The following ATAD1 variants were observed in gnomAD, a reference collection of about 807,000 sequenced individuals.
The protein encoded by ATAD1 is ATPase family AAA domain containing 1.
ATAD1 carries 18 observed loss-of-function variants against 42.7 expected under a neutral mutation model. That is an observed-to-expected ratio of 0.42 (90% CI 0.29 to 0.63). The LOEUF (loss-of-function observed/expected upper bound fraction) is 0.63, where lower values mean the gene tolerates loss of function less well. ATAD1 is among the 20% of genes least tolerant of loss of function. ATAD1 has a pLI of 0.19. For synonymous variants in ATAD1, 132 were observed against 143.1 expected, an observed-to-expected ratio of 0.92 and a Z score of 0.55; for missense variants, 294 against 440.4, an observed-to-expected ratio of 0.67 and a Z score of 2.98.
chr10:87,815,892 T>G (rs1857394673), intron 1 of ATAD1, among the ~76,000 whole-genome samples: 1 of 152,138 alleles, frequency 6.6e-6, no homozygotes, highest in Non-Finnish European at 1.5e-5. Flanking sequence ...TATAAATAGC[T>G]GGAGTCACTA....
rs1006407332 is a variant in ATAD1 at position 87,763,450 on chromosome 10, G to C, written c.831+4223C>G. 4.6e-5 allele frequency among the ~76,000 whole-genome samples: 7 copies of C among 152,296 alleles called. No individual in the cohort carries two copies. In the Middle Eastern group the frequency reaches 0.01, roughly 222 times the overall value. On this transcript the variant is annotated intron_variant, in intron 8 of 9. Transcript: ENST00000680024. ...AGGGCAGGAGGATACCTCGAGGTCA[G>C]GAGTTCAAAACCTGCCTGGATAACA...
At chr10:87,830,293 C>G (rs1857805205) in intron 1 of ATAD1, among the ~76,000 whole-genome samples, 1 of 152,226 alleles carries the variant, frequency 6.6e-6, no homozygotes, top group Non-Finnish European at 1.5e-5. Context: ...AATATGAGCT[C>G]ATGAACAGCT....
intron 5 of ATAD1, among the ~76,000 whole-genome samples, chr10:87,782,300 G>C (rs1342606205): frequency 1.3e-5 from 2 of 152,164 alleles, no homozygotes; most frequent in Non-Finnish European, 2.9e-5. Context: ...TTCACACACA[G>C]GAAGAATCTA....
chr10:87,792,849 A>T, intron 2 of ATAD1, 94 bp from the exon 3 acceptor site: 1 of 887,986 alleles, frequency 1.1e-6, no homozygotes, highest in Non-Finnish European at 1.8e-6. Flanking sequence ...AGCAATGAAC[A>T]GATAGATATA....
chr10:87,773,887 A>C (rs60196667), intron 6 of ATAD1, among the ~76,000 whole-genome samples: 2,418 of 152,286 alleles, frequency 0.016, 63 homozygotes, highest in African/African-American at 0.054. Flanking sequence ...TCTCAGGGAG[A>C]ATAATTAGTT....
intron 6 of ATAD1, among the ~76,000 whole-genome samples, chr10:87,775,084 T>C (rs529626818): frequency 1.3e-5 from 2 of 152,254 alleles, no homozygotes; most frequent in Non-Finnish European, 2.9e-5. Flanking sequence ...ATTCTAAATA[T>C]AATACTTTTT....
In ATAD1 at chr10:87,756,878, A is replaced by T. The variant is rs1411633207; in HGVS notation, c.876T>A (p.Asp292Glu). 2 of 1,612,546 alleles carry T rather than the reference A, an allele frequency of 1.2e-6. No individual in the cohort carries two copies. Among genetic ancestry groups the T allele is most frequent in the East Asian group, 4.5e-5 (2 of 44,790 alleles). The change falls in exon 9 of 10, where the codon GAT becomes GAA. Residue 292 changes from aspartate to glutamate, a missense_variant. Physicochemically the swap from Asp to Glu is conservative, Grantham distance 45. Around this residue, in one of 3 missense-constraint regions of ATAD1, gnomAD observed 142 missense variants for 174.6 expected, o/e 0.81. Coordinates refer to ENST00000680024, the MANE Select transcript of ATAD1 (RefSeq NM_001321967.2). The part of the protein sequence containing the change: ...VDLLEVAQET[D>E]GFSGSDLKEM... ...CTTTTAGGTCACTTCCTGAAAACCC[A>T]TCAGTTTCCTGGGCAACTTCTAGCA...
rs1222873209 is a variant in ATAD1 at position 87,753,459 on chromosome 10, T to C, written c.*1228A>G. 1 of 152,140 alleles carries C rather than the reference T, an allele frequency of 6.6e-6. No homozygotes were observed. Among genetic ancestry groups the C allele is most frequent in the South Asian group, 2.1e-4 (1 of 4,830 alleles). 9.4% of individuals were successfully genotyped at this position (152,140 alleles called of 1,614,324 possible). ...TGATGATTCAGAAGGCACCTCAAGA[T>C]TGTGTTGTGCCGTTTTCCTCATGCT... On this transcript the variant is annotated 3_prime_UTR_variant, in exon 10 of 10. Coordinates refer to ENST00000680024, the MANE Select transcript of ATAD1 (RefSeq NM_001321967.2).
intron 2 of ATAD1, among the ~76,000 whole-genome samples, chr10:87,805,673 A>G (rs961313503): frequency 1.3e-5 from 2 of 151,702 alleles, no homozygotes; most frequent in East Asian, 3.9e-4. Context: ...ATAACTACTG[A>G]CCCCAACCCC....
intron 5 of ATAD1, among the ~76,000 whole-genome samples, chr10:87,783,988 A>G (rs1855698006): frequency 6.6e-6 from 1 of 152,124 alleles, no homozygotes; most frequent in East Asian, 1.9e-4. Flanking sequence ...AACATCAACA[A>G]AAGAAAACTA....
rs796838900 is a variant in ATAD1, at chr10:87,780,088, AAACT to A, written c.584-3665_584-3662del. ...GTGTCATTTTAATAGACGAATGGAA[AAACT>A]AACTGTGGTACATCTACATAATAGA... is the stretch of plus-strand genomic sequence containing the variant. On this transcript the variant is annotated intron_variant, in intron 5 of 9. Transcript: ENST00000680024. Among the ~76,000 whole-genome samples, 10 of 152,354 alleles carry A rather than the reference AAACT, an allele frequency of 6.6e-5. 1 individual carries two copies. The highest frequency in any genetic ancestry group is 2.4e-4 in the African/African-American group (10 of 41,588).
At chr10:87,789,944 C>T (rs1381750532) in intron 4 of ATAD1, among the ~76,000 whole-genome samples, 2 of 151,474 alleles carry the variant, frequency 1.3e-5, no homozygotes, top group Non-Finnish European at 2.9e-5. Context: ...AAAATAAGAT[C>T]GTTGGAGCTG....
intron 2 of ATAD1, among the ~76,000 whole-genome samples, chr10:87,812,812 G>A (rs1284914581): frequency 6.6e-6 from 1 of 152,072 alleles, no homozygotes; most frequent in African/African-American, 2.4e-5. Context: ...GACCAAAGAA[G>A]GAAAAAGTAA....
intron 1 of ATAD1, among the ~76,000 whole-genome samples, chr10:87,834,014 C>A (rs1404121634): frequency 6.6e-6 from 1 of 152,140 alleles, no homozygotes; most frequent in East Asian, 1.9e-4. Flanking sequence ...CCAAACCCAG[C>A]CTGTTAAATG....
chr10:87,754,898 G>A, intron 9 of ATAD1, 91 bp from the exon 10 acceptor site: 26 of 1,437,532 alleles, frequency 1.8e-5, no homozygotes, highest in East Asian at 2.5e-5. Flanking sequence ...AGATGCATGT[G>A]GTAAAAAAAA....
chr10:87,777,978 T>A (rs1855384522), intron 5 of ATAD1, among the ~76,000 whole-genome samples: 1 of 152,080 alleles, frequency 6.6e-6, no homozygotes. Context: ...CCAGTCATTT[T>A]AAAACTGCCT....
intron 1 of ATAD1, 28 bp downstream of exon 1, chr10:87,818,139 T>A: frequency 1.0e-6 from 1 of 985,552 alleles, no homozygotes; most frequent in Non-Finnish European, 1.2e-6. Flanking sequence ...AACCATCCCA[T>A]GAGGCCCCAC....
rs1240013855 is a variant in ATAD1, at chr10:87,754,707, T to C, written c.1066A>G (p.Thr356Ala). ...TACTCTTAATCTAAACAAACATGTG[T>C]TAAAACATTCTGAAATGCTGCATCC... ...SKDAAFQNVLTHVCLD is the reference protein window; with the variant it reads ...SKDAAFQNVLAHVCLD Residue 356 changes from threonine (T) to alanine (A), a missense_variant, in exon 10 of 10, where the codon ACA (threonine) becomes GCA (alanine). Coordinates refer to ENST00000680024, the MANE Select transcript of ATAD1 (RefSeq NM_001321967.2). The C allele has an allele frequency of 6.2e-7, 1 of 1,613,572 alleles. No homozygotes were observed. Among genetic ancestry groups the C allele is most frequent in the Non-Finnish European group, 8.5e-7 (1 of 1,179,760 alleles).
At chr10:87,790,927 G>A (rs1856065518) in intron 3 of ATAD1, among the ~76,000 whole-genome samples, 1 of 149,124 alleles carries the variant, frequency 6.7e-6, no homozygotes, top group South Asian at 2.1e-4. Flanking sequence ...GCTCACGCCT[G>A]TAATCCAGCA....
Sources: gnomAD v4.1 joint callset for allele counts (sites outside exome capture counted in the v4.1 genomes callset) on GRCh38, gnomAD v4.1.1 for gene constraint, gnomAD v4.1.1 regional missense constraint, MANE v1.5 for transcripts, NCBI Gene and HGNC (gene_info 2026-07-23, HGNC 2026-07-21) for gene names.